The following COL4A1 variants were observed in gnomAD, a reference collection of about 807,000 sequenced individuals.
COL4A1 encodes collagen alpha-1(IV) chain.
Under a neutral mutation model 216.6 loss-of-function variants are expected in COL4A1, and 40 were observed. That is an observed-to-expected ratio of 0.18 (90% CI 0.14 to 0.24). The LOEUF is 0.24. Among genes scored for constraint, COL4A1 ranks in the 10% least tolerant of loss-of-function variants. COL4A1 has a pLI of 1.00. For synonymous variants in COL4A1, 839 were observed against 810.7 expected (o/e 1.03, Z -0.59); for missense variants, 1,628 against 2,196.8 (o/e 0.74, Z 5.18).
At chr13:110,162,523 G>T in intron 47 of COL4A1, 81 bp from the exon 48 acceptor site, 1 of 1,076,764 alleles carries the variant, frequency 9.3e-7, no homozygotes, top group Non-Finnish European at 1.4e-6. Flanking sequence ...TCTCCAAAGA[G>T]TTTTTAATAT....
chr13:110,300,217 A>G (rs1477851622), intron 1 of COL4A1, among the ~76,000 whole-genome samples: 1 of 152,166 alleles, frequency 6.6e-6, no homozygotes, highest in African/African-American at 2.4e-5. Context: ...ACAAATACTG[A>G]CCTAGTACCT....
intron 1 of COL4A1, among the ~76,000 whole-genome samples, chr13:110,251,736 C>T (rs1403768702): frequency 6.6e-6 from 1 of 152,176 alleles, no homozygotes; most frequent in Non-Finnish European, 1.5e-5. Context: ...CAGACAGGCA[C>T]AGGTGCAAGC....
chr13:110,244,759 C>G (rs1316997362), intron 1 of COL4A1, among the ~76,000 whole-genome samples: 6 of 152,162 alleles, frequency 3.9e-5, no homozygotes, highest in Non-Finnish European at 8.8e-5. Flanking sequence ...GCCTCACATA[C>G]AGCTCACACC....
intron 1 of COL4A1, among the ~76,000 whole-genome samples, chr13:110,261,788 C>G (rs980295151): frequency 2.0e-5 from 3 of 152,216 alleles, no homozygotes; most frequent in African/African-American, 7.2e-5. Context: ...TAAGGACACT[C>G]TGCGTCCTCT....
rs565252213 is a variant in COL4A1 at position 110,152,526 on chromosome 13, C to T, written c.4756-20G>A. On this transcript the variant is annotated intron_variant, in intron 50 of 51. Transcript: ENST00000375820. The stretch of plus-strand genomic sequence containing the variant: ...GGTGTGCTGCAGAACAGATGCGAGC[C>T]GTGAGTCAGAGGTTCCCTCCCCAAA... 12 of 1,601,720 alleles carry T rather than the reference C, an allele frequency of 7.5e-6. No homozygotes were observed. Among genetic ancestry groups the T allele is most frequent in the African/African-American group, 4.0e-5 (3 of 74,944 alleles).
rs779129339 is a variant in COL4A1 at position 110,212,466 on chromosome 13, T to C, written c.338A>G (p.Gln113Arg). ...GNPGLPGIPG[Q>R]DGPPGPPGIP... The stretch of plus-strand genomic sequence containing the variant: ...ACCTGGGGGGCCTGGCGGGCCGTCT[T>C]GGCCAGGAATTCCCTGCAATGAAGA... Residue 113 changes from glutamine to arginine, a missense_variant, in exon 6 of 52, where the codon CAA becomes CGA. Coordinates refer to ENST00000375820, the MANE Select transcript of COL4A1 (RefSeq NM_001845.6). 23 of 1,614,062 alleles carry C rather than the reference T, an allele frequency of 1.4e-5. No homozygotes were observed. Among genetic ancestry groups the C allele is most frequent in the Non-Finnish European group, 1.8e-5 (21 of 1,180,052 alleles).
At chr13:110,256,144 C>A (rs577902360) in intron 1 of COL4A1, among the ~76,000 whole-genome samples, 1 of 152,138 alleles carries the variant, frequency 6.6e-6, no homozygotes, top group Non-Finnish European at 1.5e-5. Flanking sequence ...CAGCCTCCTC[C>A]CCATGAAATC....
At chr13:110,228,020 G>A (rs1880824080) in intron 2 of COL4A1, among the ~76,000 whole-genome samples, 1 of 152,112 alleles carries the variant, frequency 6.6e-6, no homozygotes, top group African/African-American at 2.4e-5. Flanking sequence ...CCATTTGAAC[G>A]TCACCCTCGC....
chr13:110,152,497 C>T lies in COL4A1; in HGVS notation c.4765G>A (p.Ala1589Thr), dbSNP rs771443426. 7.4e-6 allele frequency: 12 copies of T among 1,611,754 alleles called. No individual in the cohort carries two copies. The highest frequency in any genetic ancestry group is 5.1e-6 in the Non-Finnish European group (6 of 1,179,774). ...GCTTGGCCAGAGCCTTCTGCACCAG[C>T]GCTGGTGTGCTGCAGAACAGATGCG... Reference protein sequence around the residue: ...IGYSFVMHTSAGAEGSGQALA... With the variant: ...IGYSFVMHTSTGAEGSGQALA... Residue 1589 changes from alanine (A) to threonine (T), a missense_variant, in exon 51 of 52, where the codon GCT becomes ACT. Ala to Thr is a moderately conservative substitution (Grantham distance 58). This residue lies in a region of COL4A1 where 254 missense variants were observed against 300.1 expected (regional missense o/e 0.85). Transcript: ENST00000375820.
Position 110,207,288 on chromosome 13 carries a change from C to T in COL4A1, c.780+115G>A. 1.1e-6 allele frequency: 1 copy of T among 915,236 alleles called. No individual in the cohort carries two copies. The highest frequency in any genetic ancestry group is 1.8e-6 in the Non-Finnish European group (1 of 555,018). The allele number at this position is 915,236 out of a possible 1,614,324, so 56.7% of individuals were successfully genotyped here. A position where few individuals can be genotyped will look rare whatever the true frequency, so the allele number is the denominator to read the frequency against. On this transcript the variant is annotated intron_variant, in intron 13 of 51. Coordinates refer to ENST00000375820, the MANE Select transcript of COL4A1 (RefSeq NM_001845.6). The surrounding 1 kb of genome is among the most constrained non-coding windows in gnomAD (Gnocchi z 4.4). ...ACTGAACAGTCTATAAATCTGTTTT[C>T]CAGACCAGGATTGAATGTAGCTGGA...
intron 2 of COL4A1, among the ~76,000 whole-genome samples, chr13:110,234,531 G>A (rs563163716): frequency 6.6e-5 from 10 of 152,150 alleles, no homozygotes; most frequent in African/African-American, 2.4e-4. Context: ...GCAGTGAGCC[G>A]AGATCGTGCC....
chr13:110,291,918 G>C (rs1437317136), intron 1 of COL4A1, among the ~76,000 whole-genome samples: 1 of 152,220 alleles, frequency 6.6e-6, no homozygotes, highest in Non-Finnish European at 1.5e-5. Context: ...GCGATGCTCA[G>C]ATACTGTGCC....
At position 110,181,251 on chromosome 13, in the gene COL4A1, G is replaced by A. The variant is rs201651731; in HGVS notation, c.2193+41C>T. ...TTTTTTCCATCCAACTAATAACAAG[G>A]ATGGGGGAGAAGGGTCATGGAGGGA... On this transcript the variant is annotated intron_variant, in intron 29 of 51. Transcript: ENST00000375820. The A allele has an allele frequency of 7.6e-6, 12 of 1,584,628 alleles. No individual in the cohort carries two copies. In the East Asian group the frequency reaches 2.7e-4, roughly 35 times the overall value.
At chr13:110,278,862 G>A (rs943576548) in intron 1 of COL4A1, among the ~76,000 whole-genome samples, 4 of 152,142 alleles carry the variant, frequency 2.6e-5, no homozygotes, top group Admixed American at 6.5e-5. Flanking sequence ...TACCTTAGAT[G>A]TTTCAGCAGC....
rs567915132 is a variant in COL4A1, at chr13:110,218,297, G to A, written c.145-4282C>T. 5.3e-5 allele frequency among the ~76,000 whole-genome samples: 8 copies of A among 152,108 alleles called. No individual in the cohort carries two copies. The East Asian group carries it at 5.8e-4, about 11-fold the overall frequency. ...TTCCAATCTGAAATATTAGGATCAC[G>A]GATCTTCACAATGGACTGAAGCACA... is the stretch of plus-strand genomic sequence containing the variant. On this transcript the variant is annotated intron_variant, in intron 2 of 51. Coordinates refer to ENST00000375820, the MANE Select transcript of COL4A1 (RefSeq NM_001845.6).
At chr13:110,185,987 G>A (rs1339926735) in intron 26 of COL4A1, among the ~76,000 whole-genome samples, 2 of 152,186 alleles carry the variant, frequency 1.3e-5, no homozygotes, top group South Asian at 2.1e-4. Flanking sequence ...GGCGTCTGCC[G>A]ACTGTGAAGA....
chr13:110,214,365 C>T (rs1352512598), intron 2 of COL4A1, among the ~76,000 whole-genome samples: 3 of 152,206 alleles, frequency 2.0e-5, no homozygotes, highest in Non-Finnish European at 4.4e-5. Context: ...GCTGGGATTA[C>T]AGGCATGGGC....
intron 1 of COL4A1, among the ~76,000 whole-genome samples, chr13:110,271,582 AG>A (rs1883245539): frequency 6.6e-6 from 1 of 152,194 alleles, no homozygotes; most frequent in African/African-American, 2.4e-5. Context: ...GGACTCGCCA[AG>A]GTCACCCCTG....
At chr13:110,181,435 G>A (rs1178051324) in intron 28 of COL4A1, 46 bp from the exon 29 acceptor site, 14 of 1,503,448 alleles carry the variant, frequency 9.3e-6, no homozygotes, top group Middle Eastern at 1.7e-4. Context: ...CAATCATTGC[G>A]ATTACAATGC....
Sources: gnomAD v4.1 joint callset for allele counts (sites outside exome capture counted in the v4.1 genomes callset) on GRCh38, gnomAD v4.1.1 for gene constraint, gnomAD v4.1.1 regional missense constraint, Gnocchi (gnomAD v3.1) non-coding constraint, MANE v1.5 for transcripts, NCBI Gene and HGNC (gene_info 2026-07-23, HGNC 2026-07-21) for gene names.